ROBO2: variants seen among roughly 807,000 people sequenced by gnomAD.
The protein encoded by ROBO2 is roundabout homolog 2.
A neutral mutation model predicts 160.8 loss-of-function variants in ROBO2; 53 were observed. The observed-to-expected ratio is 0.33, with a 90% CI of 0.26 to 0.41. ROBO2 has a LOEUF of 0.41. Ranked by LOEUF, ROBO2 falls within the 10% of genes least tolerant of loss-of-function variation. The pLI is 1.00. For missense variants in ROBO2, 1,577 were observed against 1,722.4 expected (o/e 0.92, Z 1.49); for synonymous variants, 664 against 611.7 (o/e 1.09, Z -1.26).
At chr3:76,181,988 A>T (rs889281354) in intron 2 of ROBO2, among the ~76,000 whole-genome samples, 2 of 152,188 alleles carry the variant, frequency 1.3e-5, no homozygotes, top group African/African-American at 4.8e-5. Context: ...AACAGGAAGC[A>T]TTAATAAGGA....
chr3:77,378,097 A>G (rs2072933176), intron 2 of ROBO2, among the ~76,000 whole-genome samples: 1 of 152,330 alleles, frequency 6.6e-6, no homozygotes, highest in South Asian at 2.1e-4. Flanking sequence ...CTTTAGAAAG[A>G]TTAATATGTT....
intron 2 of ROBO2, among the ~76,000 whole-genome samples, chr3:76,363,994 T>A (rs908356624): frequency 6.6e-6 from 1 of 152,066 alleles, no homozygotes; most frequent in Non-Finnish European, 1.5e-5. Flanking sequence ...TGTTGTCAGA[T>A]TAAAACTCTC....
At chr3:77,610,156 AG>A (rs2094600304) in intron 21 of ROBO2, among the ~76,000 whole-genome samples, 1 of 152,044 alleles carries the variant, frequency 6.6e-6, no homozygotes, top group South Asian at 2.1e-4. Flanking sequence ...TGAAAAAGAA[AG>A]ATTATTGAAC....
intron 6 of ROBO2, among the ~76,000 whole-genome samples, chr3:77,540,723 G>A (rs9868659): frequency 4.6e-5 from 7 of 152,050 alleles, no homozygotes; most frequent in Non-Finnish European, 7.4e-5. Context: ...ACATGCACAG[G>A]GGAACTTAAT....
At chr3:77,614,130 A>G (rs1239623889) in intron 21 of ROBO2, among the ~76,000 whole-genome samples, 1 of 152,260 alleles carries the variant, frequency 6.6e-6, no homozygotes, top group Non-Finnish European at 1.5e-5. Flanking sequence ...GATGGAATAA[A>G]GAGAAGTAAA....
intron 2 of ROBO2, among the ~76,000 whole-genome samples, chr3:76,729,639 CT>C (rs11292819): frequency 0.33 from 44,841 of 135,734 alleles, 6,340 homozygotes; most frequent in African/African-American, 0.44. Flanking sequence ...CTCTCTCTCT[CT>C]TTTTTTTTTT....
chr3:77,098,978 C>G (rs145843364), intron 2 of ROBO2, among the ~76,000 whole-genome samples: 1 of 151,694 alleles, frequency 6.6e-6, no homozygotes, highest in African/African-American at 2.4e-5. Flanking sequence ...ATGCTGGAAT[C>G]TTATGTATAT....
At position 76,896,697 on chromosome 3, in the gene ROBO2, T is replaced by C. The variant is rs1194169174; in HGVS notation, c.110-201317T>C. Among the ~76,000 whole-genome samples, 6 of 152,268 alleles carry C rather than the reference T, an allele frequency of 3.9e-5. 1 individual carries two copies. The East Asian group carries it at 9.6e-4, about 24-fold the overall frequency. On this transcript the variant is annotated intron_variant, in intron 2 of 26. Transcript: ENST00000487694. ...ACCTTATGTAACTCACTTGATATAA[T>C]TTTCTTAGTCTGATAACATTGGTGA...
intron 2 of ROBO2, among the ~76,000 whole-genome samples, chr3:76,366,793 A>G (rs1023961968): frequency 6.6e-6 from 1 of 150,992 alleles, no homozygotes; most frequent in African/African-American, 2.4e-5. Flanking sequence ...TGTAGTTATC[A>G]TTAATTAGTT....
At chr3:77,482,682 C>T (rs1045580866) in intron 4 of ROBO2, among the ~76,000 whole-genome samples, 27 of 152,132 alleles carry the variant, frequency 1.8e-4, no homozygotes, top group African/African-American at 6.5e-4. Context: ...TTCATGCAGT[C>T]CTCTATAAGA....
At chr3:76,297,695 G>A (rs1266643209) in intron 2 of ROBO2, among the ~76,000 whole-genome samples, 1 of 92,556 alleles carries the variant, frequency 1.1e-5, no homozygotes, top group Non-Finnish European at 2.2e-5. Context: ...GAAGAAGAAA[G>A]CTGCTTTCCT....
intron 5 of ROBO2, among the ~76,000 whole-genome samples, chr3:77,506,436 C>A (rs569507176): frequency 1.8e-4 from 27 of 152,064 alleles, no homozygotes; most frequent in Non-Finnish European, 3.5e-4. Flanking sequence ...CCTAACAATC[C>A]TAAATATCCA....
intron 2 of ROBO2, among the ~76,000 whole-genome samples, chr3:76,548,430 C>A (rs975309794): frequency 1.3e-5 from 2 of 152,040 alleles, no homozygotes; most frequent in African/African-American, 4.8e-5. Context: ...GCCAATGGCA[C>A]CCTGTCTTTG....
At chr3:77,144,727 A>G (rs991834146) in intron 2 of ROBO2, among the ~76,000 whole-genome samples, 1 of 152,208 alleles carries the variant, frequency 6.6e-6, no homozygotes, top group Non-Finnish European at 1.5e-5. Flanking sequence ...AATTTTTAGA[A>G]AGTAAGCTGA....
intron 23 of ROBO2, among the ~76,000 whole-genome samples, chr3:77,628,290 G>A (rs1054202440): frequency 5.6e-4 from 85 of 152,234 alleles, no homozygotes; most frequent in African/African-American, 1.9e-3. Flanking sequence ...GCCTCTAGCC[G>A]AATTGGTTTT....
At chr3:76,143,026 A>G (rs1451010940) in intron 2 of ROBO2, among the ~76,000 whole-genome samples, 2 of 151,842 alleles carry the variant, frequency 1.3e-5, no homozygotes, top group African/African-American at 4.8e-5. Flanking sequence ...ATGGGAGTTT[A>G]TGTATGTAGG....
At chr3:76,361,370 G>A (rs1008153930) in intron 2 of ROBO2, among the ~76,000 whole-genome samples, 11 of 152,016 alleles carry the variant, frequency 7.2e-5, no homozygotes, top group African/African-American at 2.4e-4. Flanking sequence ...GAAAATAACA[G>A]AAAGTACTAT....
intron 2 of ROBO2, among the ~76,000 whole-genome samples, chr3:76,798,249 A>C (rs2108812318): frequency 7.0e-6 from 1 of 142,142 alleles, no homozygotes; most frequent in East Asian, 2.1e-4. Context: ...AAAAAAGAAG[A>C]AAGAAAGAAG....
intron 2 of ROBO2, among the ~76,000 whole-genome samples, chr3:76,314,525 G>A (rs2071840669): frequency 6.6e-6 from 1 of 151,986 alleles, no homozygotes; most frequent in African/African-American, 2.4e-5. Context: ...TCACTCATAT[G>A]AGAACTTTCT....
Sources: allele counts gnomAD v4.1 joint callset (sites outside exome capture counted in the v4.1 genomes callset), GRCh38; gene constraint gnomAD v4.1.1; transcripts MANE v1.5; gene names NCBI Gene and HGNC (gene_info 2026-07-23, HGNC 2026-07-21).